ZFPM2: variants seen among roughly 807,000 people sequenced by gnomAD.
ZFPM2 encodes the protein zinc finger protein, FOG family member 2.
ZFPM2 carries 20 observed loss-of-function variants against 98.6 expected under a neutral mutation model. The ratio of observed to expected loss-of-function variants is 0.20; its 90% CI spans 0.14 to 0.29. The LOEUF (loss-of-function observed/expected upper bound fraction) is 0.29. ZFPM2 is among the 10% of genes least tolerant of loss of function. The pLI, the probability that ZFPM2 is intolerant of heterozygous loss-of-function variation, is 1.00. For synonymous variants in ZFPM2, 518 were observed against 502.7 expected (o/e 1.03, Z -0.41); for missense variants, 1,310 against 1,388.6 (o/e 0.94, Z 0.90).
At chr8:105,578,064 A>G (rs1400848146) in intron 4 of ZFPM2, among the ~76,000 whole-genome samples, 2 of 152,144 alleles carry the variant, frequency 1.3e-5, no homozygotes, top group Non-Finnish European at 2.9e-5. Context: ...ATTACGAAGT[A>G]TTGCTACTAT....
chr8:105,565,192 C>T (rs1262411108), intron 4 of ZFPM2, among the ~76,000 whole-genome samples: 1 of 152,060 alleles, frequency 6.6e-6, no homozygotes, highest in African/African-American at 2.4e-5. Context: ...CAATATGCCA[C>T]CTTCTGCAGG....
intron 1 of ZFPM2, among the ~76,000 whole-genome samples, chr8:105,416,342 A>G (rs1038155320): frequency 6.6e-6 from 1 of 151,702 alleles, no homozygotes; most frequent in Non-Finnish European, 1.5e-5. Flanking sequence ...ATTTAAAACA[A>G]TTATTCATTA....
chr8:105,392,897 G>T (rs1811136244), intron 1 of ZFPM2, among the ~76,000 whole-genome samples: 1 of 152,072 alleles, frequency 6.6e-6, no homozygotes, highest in South Asian at 2.1e-4. Context: ...CAGATAATAG[G>T]TTTTATTACT....
Position 105,726,550 on chromosome 8 carries a change from G to A in ZFPM2, c.533-62168G>A, listed in dbSNP as rs1481673018. Among the ~76,000 whole-genome samples the A allele has an allele frequency of 2.0e-5, 3 of 151,902 alleles. No individual in the cohort carries two copies. In the East Asian group the frequency reaches 5.9e-4, roughly 30 times the overall value. On this transcript the variant is annotated intron_variant, in intron 5 of 7. Transcript: ENST00000407775. ...AGGACTGGTCAGTAAATAACTAGCA[G>A]ACGCTTCGTTTGTTTGTGCTAGCAT...
intron 3 of ZFPM2, among the ~76,000 whole-genome samples, chr8:105,496,599 G>T (rs1479134650): frequency 6.6e-6 from 1 of 151,800 alleles, no homozygotes; most frequent in African/African-American, 2.4e-5. Flanking sequence ...TGGCTGAGGT[G>T]GTATCTACAG....
chr8:105,613,994 A>C (rs1035521789), intron 4 of ZFPM2, among the ~76,000 whole-genome samples: 1 of 152,170 alleles, frequency 6.6e-6, no homozygotes, highest in African/African-American at 2.4e-5. Context: ...TGGAGACATT[A>C]ATATGAGGTC....
chr8:105,753,847 A>G (rs1484746872), intron 5 of ZFPM2, among the ~76,000 whole-genome samples: 2 of 152,166 alleles, frequency 1.3e-5, no homozygotes, highest in Non-Finnish European at 2.9e-5. Context: ...TGCTAGTTAA[A>G]TGTGTCATTC....
intron 3 of ZFPM2, among the ~76,000 whole-genome samples, chr8:105,502,744 G>T (rs1396153305): frequency 1.3e-5 from 2 of 152,180 alleles, no homozygotes; most frequent in African/African-American, 2.4e-5. Flanking sequence ...CCGGACTTCA[G>T]TAACGCTTTT....
At chr8:105,337,882 T>G (rs1369132363) in intron 1 of ZFPM2, among the ~76,000 whole-genome samples, 3 of 151,716 alleles carry the variant, frequency 2.0e-5, no homozygotes, top group Non-Finnish European at 4.4e-5. Flanking sequence ...TAAATGTAGA[T>G]TCTCAAAATG....
intron 1 of ZFPM2, among the ~76,000 whole-genome samples, chr8:105,407,149 G>A (rs1434894263): frequency 2.1e-5 from 3 of 140,676 alleles, no homozygotes; most frequent in African/African-American, 5.3e-5. Flanking sequence ...GGATTTACTT[G>A]TTTATATTTT....
At chr8:105,781,430 C>A (rs1294031783) in intron 5 of ZFPM2, among the ~76,000 whole-genome samples, 1 of 152,108 alleles carries the variant, frequency 6.6e-6, no homozygotes, top group Non-Finnish European at 1.5e-5. Context: ...TATGAGATAA[C>A]TTGGAGTCAG....
chr8:105,325,229 A>G (rs1315620373), intron 1 of ZFPM2, among the ~76,000 whole-genome samples: 1 of 151,894 alleles, frequency 6.6e-6, no homozygotes, highest in Non-Finnish European at 1.5e-5. Flanking sequence ...AGAGGTAAGT[A>G]TGTATCGTTT....
chr8:105,471,877 A>G (rs1460846838), intron 3 of ZFPM2, among the ~76,000 whole-genome samples: 4 of 152,158 alleles, frequency 2.6e-5, no homozygotes, highest in African/African-American at 7.2e-5. Context: ...CCTTATCATA[A>G]AAAGAATTTA....
intron 6 of ZFPM2, among the ~76,000 whole-genome samples, chr8:105,790,285 G>A (rs1813564167): frequency 6.6e-6 from 1 of 150,832 alleles, no homozygotes; most frequent in South Asian, 2.1e-4. Context: ...AAGGGATCCA[G>A]TTTCAGCTTT....
At chr8:105,468,021 C>T (rs1191465056) in intron 3 of ZFPM2, among the ~76,000 whole-genome samples, 1 of 152,040 alleles carries the variant, frequency 6.6e-6, no homozygotes, top group African/African-American at 2.4e-5. Context: ...TCTGTCTCCA[C>T]TATCACTCAT....
At chr8:105,443,366 G>C (rs1812306076) in intron 2 of ZFPM2, among the ~76,000 whole-genome samples, 1 of 147,972 alleles carries the variant, frequency 6.8e-6, no homozygotes, top group Non-Finnish European at 1.5e-5. Context: ...TCAAGGCATA[G>C]TTGCTGTGAT....
intron 3 of ZFPM2, among the ~76,000 whole-genome samples, chr8:105,526,965 G>T (rs373213716): frequency 2.1e-4 from 32 of 152,104 alleles, no homozygotes; most frequent in African/African-American, 6.7e-4. Context: ...TAATCTCTCT[G>T]TGCCTCAGTT....
intron 5 of ZFPM2, among the ~76,000 whole-genome samples, chr8:105,698,996 C>A (rs1236407512): frequency 6.6e-6 from 1 of 151,900 alleles, no homozygotes; most frequent in Non-Finnish European, 1.5e-5. Flanking sequence ...CCTAAGCCAA[C>A]GAATTTTAGA....
At chr8:105,359,387 T>C (rs1812813522) in intron 1 of ZFPM2, among the ~76,000 whole-genome samples, 1 of 148,670 alleles carries the variant, frequency 6.7e-6, no homozygotes. Context: ...TTTTTTGTTG[T>C]TGTTTTGAGA....
Sources: gnomAD v4.1 joint callset for allele counts (sites outside exome capture counted in the v4.1 genomes callset) on GRCh38, gnomAD v4.1.1 for gene constraint, MANE v1.5 for transcripts, NCBI Gene and HGNC (gene_info 2026-07-23, HGNC 2026-07-21) for gene names.